The following SPEN variants were observed in gnomAD, a reference collection of about 807,000 sequenced individuals.
SPEN encodes the protein msx2-interacting protein.
In SPEN, 18 loss-of-function variants were observed where a neutral mutation model predicts 269.9. That is an observed-to-expected ratio of 0.07 (90% CI 0.05 to 0.10). SPEN has a LOEUF of 0.10. Among genes scored for constraint, SPEN ranks in the 10% least tolerant of loss-of-function variants. The probability of loss-of-function intolerance (pLI) is 1.00; values close to 1 mark genes in which losing one functional copy is unlikely to be tolerated. For synonymous variants in SPEN, 1,726 were observed against 1,765.7 expected, an observed-to-expected ratio of 0.98 and a Z score of 0.56; for missense variants, 3,822 against 4,631.2, an observed-to-expected ratio of 0.83 and a Z score of 5.07.
intron 3 of SPEN, among the ~76,000 whole-genome samples, chr1:15,886,864 A>G (rs892782585): frequency 3.3e-5 from 5 of 152,144 alleles, no homozygotes; most frequent in African/African-American, 1.2e-4. Context: ...CTTACCAATT[A>G]GGTTGTACTG....
At position 15,933,309 on chromosome 1, in the gene SPEN, C is replaced by T. The variant is rs865813217; in HGVS notation, c.7069C>T (p.Pro2357Ser). ...GGTGGCTCCTGTAGAGAGCCATGTC[C>T]CTGAATCCAACCAAGCTCAAGGTGA... is the stretch of plus-strand genomic sequence containing the variant. ...KVVAPVESHV[P>S]ESNQAQGESP... Residue 2357 changes from proline to serine, a missense_variant, in exon 11 of 15, where the codon CCT (proline) becomes TCT (serine). By Grantham distance (74) the Pro-to-Ser change is moderately conservative. Transcript: ENST00000375759. The surrounding 1 kb of genome is among the most constrained non-coding windows in gnomAD (Gnocchi z 5.7). 1 of 1,614,072 alleles carries T rather than the reference C, an allele frequency of 6.2e-7. No homozygotes were observed. Among genetic ancestry groups the T allele is most frequent in the Non-Finnish European group, 8.5e-7 (1 of 1,180,028 alleles).
chr1:15,933,609 G>C lies in SPEN; in HGVS notation c.7369G>C (p.Asp2457His). ...RFRVHSIIES[D>H]PVTPPSDPSI... The stretch of plus-strand genomic sequence containing the variant: ...CAGGGTGCATTCCATCATTGAAAGT[G>C]ACCCGGTGACCCCACCCAGCGATCC... Residue 2457 changes from aspartate (D) to histidine (H), a missense_variant, in exon 11 of 15, where the codon GAC (aspartate) becomes CAC (histidine). Around this residue, in one of 16 missense-constraint regions of SPEN, gnomAD observed 727 missense variants for 737.9 expected, o/e 0.99. Transcript: ENST00000375759. The surrounding 1 kb of genome is among the most constrained non-coding windows in gnomAD (Gnocchi z 5.7). 2.5e-6 allele frequency: 4 copies of C among 1,614,016 alleles called. No individual in the cohort carries two copies. Among genetic ancestry groups the C allele is most frequent in the African/African-American group, 1.3e-5 (1 of 74,998 alleles).
At chr1:15,893,099 AAACAAC>A (rs902916245) in intron 3 of SPEN, among the ~76,000 whole-genome samples, 5 of 152,132 alleles carry the variant, frequency 3.3e-5, no homozygotes, top group African/African-American at 4.8e-5. Context: ...ACTCTGTCTC[AAACAAC>A]AACAACAACA....
chr1:15,848,274 C>T lies in SPEN; in HGVS notation c.83+124C>T. The T allele has an allele frequency of 1.9e-6, 1 of 518,774 alleles. No homozygotes were observed. The highest frequency in any genetic ancestry group is 3.0e-6 in the Non-Finnish European group (1 of 334,178). 32.1% of individuals were successfully genotyped at this position (518,774 alleles called of 1,614,324 possible). ...GGACTCCGGCCCGGACCCACGGGCG[C>T]TGTGGGACCTCGTCAGCCGCTCGGC... On this transcript the variant is annotated intron_variant, in intron 1 of 14. Transcript: ENST00000375759. This position sits in a 1 kb window ranked among gnomAD's most constrained non-coding sequence, Gnocchi z 5.1.
intron 1 of SPEN, among the ~76,000 whole-genome samples, chr1:15,859,047 G>C (rs2070414996): frequency 6.6e-6 from 1 of 151,986 alleles, no homozygotes; most frequent in Non-Finnish European, 1.5e-5. Context: ...CTGCTAACCA[G>C]CTATGTTCTT....
rs1221745432 is a variant in SPEN, at chr1:15,848,439, C to T, written c.83+289C>T. On this transcript the variant is annotated intron_variant, in intron 1 of 14. Transcript: ENST00000375759. This position sits in a 1 kb window ranked among gnomAD's most constrained non-coding sequence, Gnocchi z 5.1. Reference sequence around the variant, plus strand: ...GCTCGGCCTCCACGCAGCCGGCGCCCCGGGGCTGCCCTCGCGTCAGCCCGG... The same window carrying T: ...GCTCGGCCTCCACGCAGCCGGCGCCTCGGGGCTGCCCTCGCGTCAGCCCGG... Among the ~76,000 whole-genome samples, 1 of 151,744 alleles carries T rather than the reference C, an allele frequency of 6.6e-6. No homozygotes were observed. The highest frequency in any genetic ancestry group is 1.5e-5 in the Non-Finnish European group (1 of 67,898).
intron 2 of SPEN, chr1:15,874,474 GA>G: frequency 9.1e-7 from 1 of 1,093,032 alleles, no homozygotes; most frequent in Non-Finnish European, 1.2e-6. Context: ...ACTAACTCTA[GA>G]AGTATTTAGT....
chr1:15,875,919 G>A (rs1352558815), intron 2 of SPEN, among the ~76,000 whole-genome samples: 1 of 152,186 alleles, frequency 6.6e-6, no homozygotes, highest in Non-Finnish European at 1.5e-5. Context: ...ATTTATGTAT[G>A]CAAGTCAGAA....
chr1:15,915,335 A>G (rs72649636), intron 5 of SPEN, among the ~76,000 whole-genome samples: 15,386 of 151,882 alleles, frequency 0.1, 1,054 homozygotes, highest in African/African-American at 0.19. Flanking sequence ...GGGGGGGTGG[A>G]AAAACTAGCT....
intron 5 of SPEN, among the ~76,000 whole-genome samples, chr1:15,913,412 G>A (rs138523950): frequency 4.6e-5 from 7 of 151,938 alleles, no homozygotes; most frequent in African/African-American, 1.2e-4. Flanking sequence ...CTGAATTTCC[G>A]ATCTTGAAAA....
intron 3 of SPEN, among the ~76,000 whole-genome samples, chr1:15,891,509 G>A (rs543580470): frequency 6.0e-4 from 91 of 151,892 alleles, no homozygotes; most frequent in Non-Finnish European, 1.1e-3. Context: ...CCGCCACCAC[G>A]CCCGGCTAAT....
chr1:15,886,047 T>C (rs1174005202), intron 3 of SPEN, among the ~76,000 whole-genome samples: 2 of 152,252 alleles, frequency 1.3e-5, no homozygotes, highest in Non-Finnish European at 2.9e-5. Context: ...TCATAATGGA[T>C]ACCTGTAAAT....
chr1:15,939,279 C>T lies in SPEN; in HGVS notation c.10864-17C>T. On this transcript the variant is annotated splice_polypyrimidine_tract_variant and intron_variant, in intron 14 of 14. Coordinates refer to ENST00000375759, the MANE Select transcript of SPEN (RefSeq NM_015001.3). This position sits in a 1 kb window ranked among gnomAD's most constrained non-coding sequence, Gnocchi z 4.1. ...TGAAGACAGACGGTCCCACTTTGCTCTCTATCCTGTCTCCAGCCTGCCTAC... is the reference window on the plus strand; with the variant it reads ...TGAAGACAGACGGTCCCACTTTGCTTTCTATCCTGTCTCCAGCCTGCCTAC... The T allele has an allele frequency of 1.3e-6, 2 of 1,562,556 alleles. No individual in the cohort carries two copies. The highest frequency in any genetic ancestry group is 1.2e-5 in the South Asian group (1 of 83,750).
At chr1:15,888,873 A>T (rs1369285674) in intron 3 of SPEN, among the ~76,000 whole-genome samples, 1 of 149,574 alleles carries the variant, frequency 6.7e-6, no homozygotes, top group Non-Finnish European at 1.5e-5. Context: ...TAGGTGATCC[A>T]CCTGCCTCGG....
rs1300465646 is a variant in SPEN, at chr1:15,929,271, G to A, written c.3031G>A (p.Asp1011Asn). Residue 1011 changes from aspartate to asparagine, a missense_variant, in exon 11 of 15, where the codon GAT (aspartate) becomes AAT (asparagine). This residue lies in a region of SPEN where 572 missense variants were observed against 582.6 expected (regional missense o/e 0.98). Coordinates refer to ENST00000375759, the MANE Select transcript of SPEN (RefSeq NM_015001.3). This position sits in a 1 kb window ranked among gnomAD's most constrained non-coding sequence, Gnocchi z 5.8. ...EVKKSSPEME[D>N]ARVLSKKQPD... The stretch of plus-strand genomic sequence containing the variant: ...CAAGAAAAGCAGTCCAGAGATGGAG[G>A]ATGCTCGCGTGCTTTCAAAAAAGCA... 1.2e-6 allele frequency: 2 copies of A among 1,614,190 alleles called. No homozygotes were observed. Among genetic ancestry groups the A allele is most frequent in the Non-Finnish European group, 1.7e-6 (2 of 1,180,036 alleles).
chr1:15,897,916 A>C (rs2070858448), intron 3 of SPEN, among the ~76,000 whole-genome samples: 1 of 152,186 alleles, frequency 6.6e-6, no homozygotes, highest in Admixed American at 6.5e-5. Flanking sequence ...TGATTTATAC[A>C]GTTGAGTCCT....
chr1:15,853,499 A>C (rs1221493260), intron 1 of SPEN, among the ~76,000 whole-genome samples: 2 of 134,554 alleles, frequency 1.5e-5, no homozygotes, highest in South Asian at 4.7e-4. Flanking sequence ...TTTTATTTTT[A>C]TTTTTATTTT....
chr1:15,872,242 AAAG>A (rs1390607496), intron 1 of SPEN, among the ~76,000 whole-genome samples: 1 of 150,668 alleles, frequency 6.6e-6, no homozygotes, highest in Non-Finnish European at 1.5e-5. Flanking sequence ...AAAAAAAAAA[AAAG>A]TGCATTTCAG....
In SPEN at chr1:15,897,687, T is replaced by C. The variant is rs527301201; in HGVS notation, c.882-11634T>C. Among the ~76,000 whole-genome samples the C allele has an allele frequency of 2.0e-5, 3 of 151,950 alleles. No individual in the cohort carries two copies. The East Asian group carries it at 5.8e-4, about 29-fold the overall frequency. The stretch of plus-strand genomic sequence containing the variant: ...TAATTTTTGTATTTTTTAGTAGAGA[T>C]GGAGTTTCACCATATTGGTCAGGAT... On this transcript the variant is annotated intron_variant, in intron 3 of 14. Coordinates refer to ENST00000375759, the MANE Select transcript of SPEN (RefSeq NM_015001.3).
Sources: allele counts gnomAD v4.1 joint callset (sites outside exome capture counted in the v4.1 genomes callset), GRCh38; gene constraint gnomAD v4.1.1; regional missense constraint gnomAD v4.1.1; non-coding constraint Gnocchi (gnomAD v3.1); transcripts MANE v1.5; gene names NCBI Gene and HGNC (gene_info 2026-07-23, HGNC 2026-07-21).